The following FAM3C variants were observed in gnomAD, a reference collection of about 807,000 sequenced individuals.
FAM3C encodes protein FAM3C.
A neutral mutation model predicts 32.5 loss-of-function variants in FAM3C; 15 were observed. The observed-to-expected ratio is 0.46, with a 90% CI of 0.31 to 0.71. FAM3C has a LOEUF of 0.71. FAM3C is among the 30% of genes least tolerant of loss of function. The pLI is 0.05. For synonymous variants in FAM3C, 75 were observed against 86.1 expected (o/e 0.87, Z 0.72); for missense variants, 175 against 274.4 (o/e 0.64, Z 2.56).
chr7:121,375,261 T>C (rs1402202288), intron 3 of FAM3C, among the ~76,000 whole-genome samples: 1 of 152,106 alleles, frequency 6.6e-6, no homozygotes. Flanking sequence ...TTATGCAAAG[T>C]TCTAAAAAAT....
chr7:121,361,671 T>A (rs1183669757), intron 7 of FAM3C, among the ~76,000 whole-genome samples: 7 of 152,206 alleles, frequency 4.6e-5, no homozygotes, highest in Non-Finnish European at 1.5e-5. Flanking sequence ...AACAAAATAA[T>A]ACACGGCATC....
chr7:121,392,817 T>C (rs902014127), intron 1 of FAM3C, among the ~76,000 whole-genome samples: 1 of 152,286 alleles, frequency 6.6e-6, no homozygotes, highest in East Asian at 1.9e-4. Flanking sequence ...CGAAATGATA[T>C]ATATGTAATG....
chr7:121,382,820 A>T (rs554882099), intron 2 of FAM3C, 137 bp downstream of exon 2: 62 of 647,288 alleles, frequency 9.6e-5, no homozygotes, highest in Non-Finnish European at 1.5e-4. Context: ...ACTACCTAAA[A>T]ACAAAGGGCT....
intron 1 of FAM3C, among the ~76,000 whole-genome samples, chr7:121,393,326 C>T (rs941983838): frequency 2.0e-5 from 3 of 152,088 alleles, no homozygotes; most frequent in Non-Finnish European, 2.9e-5. Flanking sequence ...TGTGTGGTGG[C>T]ACATGCCTGT....
chr7:121,378,083 T>C (rs1215711950), intron 3 of FAM3C, among the ~76,000 whole-genome samples: 2 of 152,224 alleles, frequency 1.3e-5, no homozygotes, highest in African/African-American at 4.8e-5. Context: ...AAATGCATAC[T>C]TCACAATTAT....
chr7:121,355,200 A>T (rs1793782821), intron 8 of FAM3C, among the ~76,000 whole-genome samples: 1 of 152,218 alleles, frequency 6.6e-6, no homozygotes, highest in Non-Finnish European at 1.5e-5. Flanking sequence ...AGGGAATAGT[A>T]GCTCAAGAAG....
chr7:121,371,571 G>A, intron 4 of FAM3C, 148 bp from the exon 5 acceptor site: 1 of 866,630 alleles, frequency 1.2e-6, no homozygotes, highest in South Asian at 2.3e-5. Context: ...GTTCCCCTGA[G>A]GGTTTCAAAG....
intron 5 of FAM3C, among the ~76,000 whole-genome samples, chr7:121,365,986 T>C (rs370487572): frequency 2.6e-5 from 4 of 152,206 alleles, no homozygotes; most frequent in South Asian, 4.1e-4. Flanking sequence ...ATCAGGGAAA[T>C]GCAAATGAGA....
intron 1 of FAM3C, among the ~76,000 whole-genome samples, chr7:121,385,410 T>C (rs184060290): frequency 6.3e-4 from 96 of 152,278 alleles, no homozygotes; most frequent in African/African-American, 2.2e-3. Context: ...CACCTGAGAT[T>C]CAACAGCAAG....
At chr7:121,392,762 C>T (rs1794602849) in intron 1 of FAM3C, among the ~76,000 whole-genome samples, 4 of 152,028 alleles carry the variant, frequency 2.6e-5, no homozygotes, top group Admixed American at 1.3e-4. Flanking sequence ...CTGAATAGCA[C>T]ACAAAAATTT....
At chr7:121,384,132 TGCTCTTAGGCTA>T (rs1386526318) in intron 1 of FAM3C, among the ~76,000 whole-genome samples, 1 of 152,134 alleles carries the variant, frequency 6.6e-6, no homozygotes, top group African/African-American at 2.4e-5. Context: ...AAAAGTCCAA[TGCTCTTAGGCTA>T]GCTCTCTTTC....
intron 3 of FAM3C, among the ~76,000 whole-genome samples, chr7:121,375,712 T>C (rs1340992877): frequency 6.6e-6 from 1 of 152,174 alleles, no homozygotes; most frequent in East Asian, 1.9e-4. Flanking sequence ...TATACCACAC[T>C]GTAGCTTCAC....
At chr7:121,384,718 T>C (rs1794433000) in intron 1 of FAM3C, among the ~76,000 whole-genome samples, 1 of 152,164 alleles carries the variant, frequency 6.6e-6, no homozygotes, top group African/African-American at 2.4e-5. Context: ...AATACAACTG[T>C]TTTCCATTAA....
intron 1 of FAM3C, among the ~76,000 whole-genome samples, chr7:121,387,621 G>A (rs1302091586): frequency 6.6e-6 from 1 of 152,066 alleles, no homozygotes; most frequent in Non-Finnish European, 1.5e-5. Context: ...TATAGCAAAG[G>A]TGGAAACAAA....
chr7:121,355,103 C>A (rs1339284085), intron 8 of FAM3C, among the ~76,000 whole-genome samples: 1 of 152,180 alleles, frequency 6.6e-6, no homozygotes, highest in African/African-American at 2.4e-5. Context: ...AACAAAGGGA[C>A]TCACTGTTTC....
At position 121,378,390 on chromosome 7, in the gene FAM3C, G is replaced by A. The variant is rs541054122; in HGVS notation, c.118+520C>T. 5.3e-5 allele frequency among the ~76,000 whole-genome samples: 8 copies of A among 152,088 alleles called. No homozygotes were observed. The South Asian group carries it at 1.7e-3, about 32-fold the overall frequency. On this transcript the variant is annotated intron_variant, in intron 3 of 9. Coordinates refer to ENST00000359943, the MANE Select transcript of FAM3C (RefSeq NM_014888.3). Reference sequence around the variant, plus strand: ...TGGAGTGCAGTATGGCATGATCACAGCTCACCACAGCCTGGAACTCCTGGG... The same window carrying A: ...TGGAGTGCAGTATGGCATGATCACAACTCACCACAGCCTGGAACTCCTGGG...
At chr7:121,360,929 G>A (rs111279222) in intron 7 of FAM3C, among the ~76,000 whole-genome samples, 15 of 152,254 alleles carry the variant, frequency 9.9e-5, no homozygotes, top group South Asian at 2.1e-4. Flanking sequence ...GCTTTTCTCC[G>A]ATTCTCAAAG....
intron 3 of FAM3C, among the ~76,000 whole-genome samples, chr7:121,374,533 G>C (rs1009918485): frequency 6.6e-6 from 1 of 152,136 alleles, no homozygotes; most frequent in East Asian, 1.9e-4. Flanking sequence ...AGTGATTATA[G>C]CAAGAATCCT....
intron 8 of FAM3C, among the ~76,000 whole-genome samples, chr7:121,357,338 A>G (rs1206374114): frequency 1.3e-5 from 2 of 152,306 alleles, no homozygotes; most frequent in South Asian, 2.1e-4. Context: ...TTTCTTGAGT[A>G]TAAGTGGAAG....
Sources: gnomAD v4.1 joint callset for allele counts (sites outside exome capture counted in the v4.1 genomes callset) on GRCh38, gnomAD v4.1.1 for gene constraint, MANE v1.5 for transcripts, NCBI Gene and HGNC (gene_info 2026-07-23, HGNC 2026-07-21) for gene names.